The following GATA2 variants were observed in gnomAD, a reference collection of about 807,000 sequenced individuals.
The protein encoded by GATA2 is GATA binding protein 2.
GATA2 carries 6 observed loss-of-function variants against 35.7 expected under a neutral mutation model. The ratio of observed to expected loss-of-function variants is 0.17; its 90% CI spans 0.09 to 0.33. The LOEUF (loss-of-function observed/expected upper bound fraction) is 0.33. GATA2 is among the 10% of genes least tolerant of loss of function. GATA2 has a pLI of 1.00. For synonymous variants in GATA2, 313 were observed against 274.9 expected (o/e 1.14, Z -1.37); for missense variants, 541 against 656.6 (o/e 0.82, Z 1.92).
chr3:128,491,689 T>C (rs888339535), intron 1 of GATA2, among the ~76,000 whole-genome samples: 4 of 152,148 alleles, frequency 2.6e-5, no homozygotes, highest in African/African-American at 9.7e-5. Context: ...GTTCTGTGTC[T>C]TTGGGAATCG....
intron 1 of GATA2, among the ~76,000 whole-genome samples, chr3:128,490,902 G>T (rs576382594): frequency 5.9e-5 from 9 of 152,296 alleles, no homozygotes; most frequent in African/African-American, 1.9e-4. Context: ...TACTTTGTTC[G>T]TTCGGGAGTA....
rs777283732 is a variant in GATA2, at chr3:128,481,175, A to T, written c.1287T>A (p.Ser429Arg). 6.2e-7 allele frequency: 1 copy of T among 1,614,166 alleles called. No homozygotes were observed. Among genetic ancestry groups the T allele is most frequent in the East Asian group, 2.2e-5 (1 of 44,874 alleles). Residue 429 changes from serine to arginine, a missense_variant, in exon 6 of 6, where the codon AGT becomes AGA. Ser to Arg is a moderately radical substitution (Grantham distance 110, BLOSUM62 -1). Around this residue, in one of 5 missense-constraint regions of GATA2, gnomAD observed 95 missense variants for 114.0 expected, o/e 0.83. Transcript: ENST00000341105. ...CCATGTGTCCAGCCAGGGCAGCTGC[A>T]CTGAAGGGGGATGACTTCTCCTGCA... The part of the protein sequence containing the change: ...KCMQEKSSPF[S>R]AAALAGHMAP...
chr3:128,487,558 G>C (rs977358132), intron 1 of GATA2, among the ~76,000 whole-genome samples: 1 of 152,092 alleles, frequency 6.6e-6, no homozygotes, highest in Non-Finnish European at 1.5e-5. Flanking sequence ...GCAGCCCCCT[G>C]AGCGCAGTAC....
chr3:128,486,857 A>T lies in GATA2; in HGVS notation c.175T>A (p.Tyr59Asn), dbSNP rs2068707978. The T allele has an allele frequency of 1.2e-6, 2 of 1,612,260 alleles. No homozygotes were observed. The highest frequency in any genetic ancestry group is 1.7e-6 in the Non-Finnish European group (2 of 1,179,546). The change falls in exon 2 of 6, where the codon TAC becomes AAC. Residue 59 changes from tyrosine (Y) to asparagine (N), a missense_variant. By Grantham distance (143) the Tyr-to-Asn change is moderately radical. Transcript: ENST00000341105. ...FNHLDSQGNP[Y>N]YANPAHARAR... is the part of the protein sequence containing the mutation. ...CGCGCGTGAGCGGGGTTGGCATAGT[A>T]GGGGTTGCCCTGCGAGTCGAGGTGA...
At chr3:128,483,089 C>G (rs759659302) in intron 4 of GATA2, among the ~76,000 whole-genome samples, 4 of 152,262 alleles carry the variant, frequency 2.6e-5, no homozygotes, top group African/African-American at 9.6e-5. Flanking sequence ...GGCCTCACCC[C>G]GCCCTCGCTC....
In GATA2 at chr3:128,482,000, C is replaced by A. The variant is rs549196089; in HGVS notation, c.1018-56G>T. ...GACTCCCACGCCCACCTCGACCCCC[C>A]TCCCTGACCCTCGCTCCACCCCCAG... is the stretch of plus-strand genomic sequence containing the variant. On this transcript the variant is annotated intron_variant, in intron 4 of 5. Coordinates refer to ENST00000341105, the MANE Select transcript of GATA2 (RefSeq NM_032638.5). 1.6e-3 allele frequency: 2,561 copies of A among 1,599,976 alleles called. 3 individuals are homozygous for A. Among genetic ancestry groups the A allele is most frequent in the Non-Finnish European group, 2.0e-3 (2,374 of 1,176,688 alleles).
chr3:128,482,041 T>G (rs2068637680), intron 4 of GATA2, 97 bp from the exon 5 acceptor site: 1 of 1,482,318 alleles, frequency 6.7e-7, no homozygotes, highest in Non-Finnish European at 9.2e-7. Context: ...ACCAGCTCAG[T>G]CAAGGAGGGC....
At chr3:128,482,220 T>G in intron 4 of GATA2, 4 of 480,594 alleles carry the variant, frequency 8.3e-6, no homozygotes, top group East Asian at 3.9e-5. Flanking sequence ...CTCCCCCAAC[T>G]ACCCTGCGCT....
Position 128,484,098 on chromosome 3 carries a change from C to G in GATA2, c.872-93G>C, listed in dbSNP as rs566243789. 6 of 1,506,300 alleles carry G rather than the reference C, an allele frequency of 4.0e-6. No homozygotes were observed. The African/African-American group carries it at 6.8e-5, about 17-fold the overall frequency. 93.3% of individuals were successfully genotyped at this position (1,506,300 alleles called of 1,614,324 possible). A position where few individuals can be genotyped will look rare whatever the true frequency, so the allele number is the denominator to read the frequency against. On this transcript the variant is annotated intron_variant, in intron 3 of 5. Transcript: ENST00000341105. The stretch of plus-strand genomic sequence containing the variant: ...CAGGAAAGCAGCCAGCCGAGCAGTG[C>G]CGGTGCCTCTCAGGCACACGGTTGG...
rs1351979693 is a variant in GATA2 at position 128,483,905 on chromosome 3, C to T, written c.972G>A (p.Lys324=). 3 of 1,614,216 alleles carry T rather than the reference C, an allele frequency of 1.9e-6. No homozygotes were observed. Among genetic ancestry groups the T allele is most frequent in the African/African-American group, 1.3e-5 (1 of 75,062 alleles). Residue 324 remains lysine, a synonymous_variant, in exon 4 of 6, where the codon AAG becomes AAA. Coordinates refer to ENST00000341105, the MANE Select transcript of GATA2 (RefSeq NM_032638.5). The part of the protein sequence containing the change: ...YLCNACGLYH[K]MNGQNRPLIK... Reference sequence around the variant, plus strand: ...TGAGTGGTCGGTTCTGCCCATTCATCTTGTGGTAGAGGCCACAGGCATTGC... The same window carrying T: ...TGAGTGGTCGGTTCTGCCCATTCATTTTGTGGTAGAGGCCACAGGCATTGC...
chr3:128,486,815 T>G lies in GATA2; in HGVS notation c.217A>C (p.Ser73Arg). 6.2e-7 allele frequency: 1 copy of G among 1,606,542 alleles called. No homozygotes were observed. The highest frequency in any genetic ancestry group is 8.5e-7 in the Non-Finnish European group (1 of 1,177,466). The change falls in exon 2 of 6, where the codon AGC becomes CGC. Residue 73 changes from serine to arginine, a missense_variant. Ser to Arg is a moderately radical substitution (Grantham distance 110). Around this residue, in one of 5 missense-constraint regions of GATA2, gnomAD observed 389 missense variants for 396.9 expected, o/e 0.98. Coordinates refer to ENST00000341105, the MANE Select transcript of GATA2 (RefSeq NM_032638.5). Reference protein sequence around the residue: ...PAHARARVSYSPAHARLTGGQ... With the variant: ...PAHARARVSYRPAHARLTGGQ... ...GCCCAGTGCTCACCGTGCGCGGGGC[T>G]GTAGGAGACGCGCGCCCGCGCGTGA...
At chr3:128,485,694 C>T in intron 3 of GATA2, 33 bp downstream of exon 3, 1 of 1,608,904 alleles carries the variant, frequency 6.2e-7, no homozygotes, top group African/African-American at 1.3e-5. Flanking sequence ...AAATGCTCCC[C>T]TCTTCCACGA....
In GATA2 at chr3:128,482,148, C is replaced by T. The variant is rs1457029079; in HGVS notation, c.1018-204G>A. The T allele has an allele frequency of 2.1e-5, 14 of 661,552 alleles. No individual in the cohort carries two copies. The East Asian group carries it at 3.6e-4, about 17-fold the overall frequency. The allele number at this position is 661,552 out of a possible 1,614,324, so 41.0% of individuals were successfully genotyped here. A position where few individuals can be genotyped will look rare whatever the true frequency, so the allele number is the denominator to read the frequency against. ...ACTCACAGAACTTTGGAATAAAGAA[C>T]TCTCAGAAGCCTGATGTTAGAATCA... On this transcript the variant is annotated intron_variant, in intron 4 of 5. Transcript: ENST00000341105.
intron 1 of GATA2, among the ~76,000 whole-genome samples, chr3:128,491,619 C>A (rs1284757806): frequency 6.6e-6 from 1 of 152,220 alleles, no homozygotes; most frequent in Non-Finnish European, 1.5e-5. Flanking sequence ...TCAATTCCAG[C>A]CCCTTAAAGC....
In GATA2 at chr3:128,486,830, C is replaced by G; in HGVS notation, c.202G>C (p.Ala68Pro). ...PYYANPAHAR[A>P]RVSYSPAHAR... ...TGCGCGGGGCTGTAGGAGACGCGCG[C>G]CCGCGCGTGAGCGGGGTTGGCATAG... is the stretch of plus-strand genomic sequence containing the variant. The change falls in exon 2 of 6, where the codon GCG (alanine) becomes CCG (proline). Residue 68 changes from alanine to proline, a missense_variant. Ala to Pro is a conservative substitution (Grantham distance 27). This residue lies in a region of GATA2 where 389 missense variants were observed against 396.9 expected (regional missense o/e 0.98). Coordinates refer to ENST00000341105, the MANE Select transcript of GATA2 (RefSeq NM_032638.5). The G allele has an allele frequency of 4.3e-6, 7 of 1,610,096 alleles. No individual in the cohort carries two copies. Among genetic ancestry groups the G allele is most frequent in the Non-Finnish European group, 5.9e-6 (7 of 1,178,810 alleles).
intron 1 of GATA2, chr3:128,489,256 G>A (rs1427967929): frequency 6.6e-6 from 1 of 152,196 alleles, no homozygotes; most frequent in Non-Finnish European, 1.5e-5. Flanking sequence ...CGGTCCCCTC[G>A]GCTCCGGGGG....
Position 128,480,919 on chromosome 3 carries a change from G to C in GATA2, c.*100C>G. ...AGGAGAGGGGGTGCTGGGCCGAGCC[G>C]GGCTGGCAGGAGTGGTGTCGGCCTT... On this transcript the variant is annotated 3_prime_UTR_variant, in exon 6 of 6. Coordinates refer to ENST00000341105, the MANE Select transcript of GATA2 (RefSeq NM_032638.5). 7.4e-7 allele frequency: 1 copy of C among 1,346,254 alleles called. No homozygotes were observed. Among genetic ancestry groups the C allele is most frequent in the Non-Finnish European group, 1.0e-6 (1 of 1,004,444 alleles). 83.4% of individuals were successfully genotyped at this position (1,346,254 alleles called of 1,614,324 possible). A position where few individuals can be genotyped will look rare whatever the true frequency, so the allele number is the denominator to read the frequency against.
At position 128,481,129 on chromosome 3, in the gene GATA2, G is replaced by C. The variant is rs2068622107; in HGVS notation, c.1333C>G (p.Pro445Ala). ...AGGATGTGTCCGGAGTGGCTGAAGG[G>C]CGGGAGGTGGCCCACAGGTGCCATG... ...GHMAPVGHLP[P>A]FSHSGHILPT... Residue 445 changes from proline (P) to alanine (A), a missense_variant, in exon 6 of 6, where the codon CCC (proline) becomes GCC (alanine). Physicochemically the swap from Pro to Ala is conservative, Grantham distance 27 (BLOSUM62 -1). Transcript: ENST00000341105. 6.2e-7 allele frequency: 1 copy of C among 1,614,104 alleles called. No individual in the cohort carries two copies. Among genetic ancestry groups the C allele is most frequent in the African/African-American group, 1.3e-5 (1 of 74,942 alleles).
chr3:128,491,208 G>GCCCCCCCCCCCCCCCCC (rs373070119), intron 1 of GATA2, among the ~76,000 whole-genome samples: 1 of 107,390 alleles, frequency 9.3e-6, no homozygotes. Flanking sequence ...CGGCCGTCCA[G>GCCCCCCCCCCCCCCCCC]CCCCCCCCCC....
Sources: gnomAD v4.1 joint callset for allele counts (sites outside exome capture counted in the v4.1 genomes callset) on GRCh38, gnomAD v4.1.1 for gene constraint, gnomAD v4.1.1 regional missense constraint, MANE v1.5 for transcripts, NCBI Gene and HGNC (gene_info 2026-07-23, HGNC 2026-07-21) for gene names.